SORCS2: variants seen among roughly 807,000 people sequenced by gnomAD.
SORCS2 encodes the protein VPS10 domain-containing receptor SorCS2.
Under a neutral mutation model 141.6 loss-of-function variants are expected in SORCS2, and 100 were observed. The observed-to-expected ratio is 0.71, with a 90% CI of 0.60 to 0.83. The LOEUF is 0.83. Among genes scored for constraint, SORCS2 ranks in the 40% least tolerant of loss-of-function variants. The pLI is 0.00. For missense variants in SORCS2, 1,646 were observed against 1,560.2 expected, an observed-to-expected ratio of 1.05 and a Z score of -0.93; for synonymous variants, 789 against 676.9, an observed-to-expected ratio of 1.17 and a Z score of -2.57.
chr4:7,702,700 G>C (rs1306194487), intron 12 of SORCS2, among the ~76,000 whole-genome samples: 1 of 152,252 alleles, frequency 6.6e-6, no homozygotes, highest in African/African-American at 2.4e-5. Context: ...CTGGCACCAA[G>C]GTCTGAGCTG....
intron 3 of SORCS2, among the ~76,000 whole-genome samples, chr4:7,548,044 C>T (rs565911197): frequency 6.6e-6 from 1 of 152,336 alleles, no homozygotes; most frequent in East Asian, 1.9e-4. Flanking sequence ...TGTAGGATCA[C>T]ACTCCTTTGT....
intron 1 of SORCS2, among the ~76,000 whole-genome samples, chr4:7,300,636 TG>T (rs1717373392): frequency 6.6e-6 from 1 of 152,228 alleles, no homozygotes; most frequent in Admixed American, 6.5e-5. Flanking sequence ...ATGAGGACAC[TG>T]GGGCAGAGAG....
At chr4:7,512,236 C>T (rs1732702498) in intron 2 of SORCS2, among the ~76,000 whole-genome samples, 1 of 151,984 alleles carries the variant, frequency 6.6e-6, no homozygotes, top group Non-Finnish European at 1.5e-5. Flanking sequence ...ATGCCCAAGG[C>T]ATCTCTGTGG....
In SORCS2 at chr4:7,208,012, G is replaced by A. The variant is rs183225017; in HGVS notation, c.480+14886G>A. ...TGGGGCGGGAAGGGAGTTTTCGGGC[G>A]CCTTCTCCCAGGATCCCACCTCCCC... On this transcript the variant is annotated intron_variant, in intron 1 of 26. Coordinates refer to ENST00000507866, the MANE Select transcript of SORCS2 (RefSeq NM_020777.3). 9.2e-5 allele frequency among the ~76,000 whole-genome samples: 14 copies of A among 152,194 alleles called. No homozygotes were observed. The East Asian group carries it at 1.2e-3, about 13-fold the overall frequency.
intron 12 of SORCS2, among the ~76,000 whole-genome samples, chr4:7,700,809 G>A (rs550198904): frequency 1.2e-3 from 179 of 152,288 alleles, no homozygotes; most frequent in South Asian, 4.4e-3. Context: ...TCCAGCCTGC[G>A]ACCCCACCAC....
At chr4:7,452,113 C>G (rs1045272957) in intron 2 of SORCS2, among the ~76,000 whole-genome samples, 1 of 152,064 alleles carries the variant, frequency 6.6e-6, no homozygotes, top group Non-Finnish European at 1.5e-5. Flanking sequence ...TGACCCACAG[C>G]TCCCACTCTG....
In SORCS2 at chr4:7,285,629, C is replaced by T. The variant is rs537007520; in HGVS notation, c.480+92503C>T. 6.6e-5 allele frequency among the ~76,000 whole-genome samples: 10 copies of T among 152,352 alleles called. No individual in the cohort carries two copies. In the South Asian group the frequency reaches 1.9e-3, roughly 28 times the overall value. ...GCCATTTGGCATCCAGCTCTGCCCT[C>T]CAGACAGCTGGCAGAGGGGATGGGG... On this transcript the variant is annotated intron_variant, in intron 1 of 26. Coordinates refer to ENST00000507866, the MANE Select transcript of SORCS2 (RefSeq NM_020777.3).
At chr4:7,473,061 G>A (rs548201381) in intron 2 of SORCS2, among the ~76,000 whole-genome samples, 4 of 152,096 alleles carry the variant, frequency 2.6e-5, no homozygotes, top group South Asian at 4.2e-4. Context: ...TCAGGATATC[G>A]GCCGACCTTC....
intron 1 of SORCS2, among the ~76,000 whole-genome samples, chr4:7,368,892 G>T (rs567304364): frequency 6.6e-6 from 1 of 152,278 alleles, no homozygotes; most frequent in South Asian, 2.1e-4. Flanking sequence ...AGAGTCTCAC[G>T]AGATCTGATG....
At chr4:7,628,476 G>A (rs1198060526) in intron 3 of SORCS2, among the ~76,000 whole-genome samples, 1 of 149,676 alleles carries the variant, frequency 6.7e-6, no homozygotes. Context: ...CTGAGATTGT[G>A]CCACTGCACT....
At chr4:7,610,354 G>A (rs1171452052) in intron 3 of SORCS2, among the ~76,000 whole-genome samples, 1 of 152,120 alleles carries the variant, frequency 6.6e-6, no homozygotes, top group African/African-American at 2.4e-5. Flanking sequence ...GAGCTCCAGA[G>A]GACTGGTGTT....
At chr4:7,330,802 C>T (rs115806291) in intron 1 of SORCS2, among the ~76,000 whole-genome samples, 67 of 151,980 alleles carry the variant, frequency 4.4e-4, no homozygotes, top group African/African-American at 1.5e-3. Context: ...TCTCAGTGAA[C>T]GCTTGGCAAG....
At chr4:7,403,128 T>G (rs1724706575) in intron 2 of SORCS2, among the ~76,000 whole-genome samples, 1 of 152,190 alleles carries the variant, frequency 6.6e-6, no homozygotes, top group African/African-American at 2.4e-5. Context: ...TTCTGATGGA[T>G]GGTGTATTAG....
At chr4:7,520,177 G>A (rs568856829) in intron 2 of SORCS2, among the ~76,000 whole-genome samples, 13 of 152,310 alleles carry the variant, frequency 8.5e-5, no homozygotes, top group East Asian at 3.9e-4. Flanking sequence ...GAAGTTCCCC[G>A]CCCAGCCACG....
intron 1 of SORCS2, among the ~76,000 whole-genome samples, chr4:7,391,243 G>A (rs889612899): frequency 4.6e-5 from 7 of 152,220 alleles, no homozygotes; most frequent in Non-Finnish European, 2.9e-5. Context: ...AGACGCTGAC[G>A]ACTTTGCTGC....
chr4:7,676,824 T>TCTCTCTCTCTCTCTCTCCCC (rs765132758), intron 9 of SORCS2, among the ~76,000 whole-genome samples: 2 of 49,102 alleles, frequency 4.1e-5, no homozygotes, highest in African/African-American at 8.8e-5. Flanking sequence ...TCTCTCTCTC[T>TCTCTCTCTCTCTCTCTCCCC]CTCTCCCTCT....
Position 7,601,639 on chromosome 4 carries a change from A to C in SORCS2, c.649-36689A>C, listed in dbSNP as rs1241356888. Among the ~76,000 whole-genome samples the C allele has an allele frequency of 5.4e-5, 8 of 147,758 alleles. No individual in the cohort carries two copies. The Admixed American group carries it at 5.4e-4, about 10-fold the overall frequency. ...CTCAAAAAAAAAAAAAAAAAAAAAA[A>C]AGTTTAACATAGCTTTGTTTTTTGT... On this transcript the variant is annotated intron_variant, in intron 3 of 26. Coordinates refer to ENST00000507866, the MANE Select transcript of SORCS2 (RefSeq NM_020777.3).
At chr4:7,454,845 G>A (rs1236052422) in intron 2 of SORCS2, among the ~76,000 whole-genome samples, 4 of 140,862 alleles carry the variant, frequency 2.8e-5, no homozygotes, top group Non-Finnish European at 3.1e-5. Context: ...GTGTGTTGGG[G>A]TCAGGTGCTG....
intron 2 of SORCS2, among the ~76,000 whole-genome samples, chr4:7,496,479 A>ATCCCCCG (rs1731637450): frequency 7.7e-5 from 2 of 26,022 alleles, no homozygotes; most frequent in Non-Finnish European, 1.4e-4. Context: ...CCCGTCCCCC[A>ATCCCCCG]TCCCCCATCT....
Sources: gnomAD v4.1 joint callset for allele counts (sites outside exome capture counted in the v4.1 genomes callset) on GRCh38, gnomAD v4.1.1 for gene constraint, MANE v1.5 for transcripts, NCBI Gene and HGNC (gene_info 2026-07-23, HGNC 2026-07-21) for gene names.